Variants in HEATR4 observed in about 807,000 individuals in gnomAD.
HEATR4 encodes the protein HEAT repeat containing 4, also known as HEAT repeat-containing protein 4.
In HEATR4, 95 loss-of-function variants were observed where a neutral mutation model predicts 108.8. That is an observed-to-expected ratio of 0.87 (90% confidence interval 0.74 to 1.04). The LOEUF is 1.04. HEATR4 is among the 50% of genes least tolerant of loss of function. The probability of loss-of-function intolerance (pLI) is 0.00; values close to 1 mark genes in which losing one functional copy is unlikely to be tolerated. For synonymous variants in HEATR4, 443 were observed against 459.4 expected (o/e 0.96, Z 0.46); for missense variants, 1,152 against 1,253.8 (o/e 0.92, Z 1.23).
intron 12 of HEATR4, among the ~76,000 whole-genome samples, chr14:73,499,358 G>A (rs1886290113): frequency 6.6e-6 from 1 of 152,174 alleles, no homozygotes; most frequent in Non-Finnish European, 1.5e-5. Flanking sequence ...TCACACGCCT[G>A]TAATCCCAGC....
chr14:73,521,895 T>G (rs2140297049), intron 3 of HEATR4, among the ~76,000 whole-genome samples: 1 of 152,346 alleles, frequency 6.6e-6, no homozygotes, highest in East Asian at 1.9e-4. Flanking sequence ...TGGAGAAGGT[T>G]GAGAACCAAT....
the HEATR4 span, among the ~76,000 whole-genome samples, chr14:73,615,415 C>A: frequency 0.22 from 11,777 of 53,876 alleles, 2,075 homozygotes; most frequent in East Asian, 0.5. Flanking sequence ...AAACAAAAAA[C>A]AAAAAAAACC....
At chr14:73,574,908 G>T in the HEATR4 span, 2 of 1,612,826 alleles carry the variant, frequency 1.2e-6, no homozygotes, top group Non-Finnish European at 1.7e-6. Context: ...CCTTTCTCAG[G>T]TAAAAGGTCC....
intron 14 of HEATR4, among the ~76,000 whole-genome samples, chr14:73,497,068 G>A (rs982972579): frequency 6.6e-6 from 1 of 152,152 alleles, no homozygotes; most frequent in African/African-American, 2.4e-5. Flanking sequence ...GCTAGTTTTT[G>A]TATTTTTAGT....
the HEATR4 span, among the ~76,000 whole-genome samples, chr14:73,615,488 C>T: frequency 1.3e-5 from 2 of 148,830 alleles, no homozygotes; most frequent in Non-Finnish European, 3.0e-5. Context: ...CCCAACACTT[C>T]GGGAGGCCAA....
At chr14:73,624,436 A>T in the HEATR4 span, among the ~76,000 whole-genome samples, 120 of 151,926 alleles carry the variant, frequency 7.9e-4, no homozygotes, top group Non-Finnish European at 1.4e-3. Context: ...GCCCAAAAAA[A>T]TTTTTTTAAA....
chr14:73,485,376 T>G (rs1341061565), intron 17 of HEATR4, among the ~76,000 whole-genome samples: 5 of 151,814 alleles, frequency 3.3e-5, no homozygotes, highest in Non-Finnish European at 7.4e-5. Flanking sequence ...ACCATCTATG[T>G]GTAAATATCT....
At chr14:73,535,459 T>G (rs1888824187) in intron 1 of HEATR4, among the ~76,000 whole-genome samples, 1 of 64,142 alleles carries the variant, frequency 1.6e-5, no homozygotes, top group Non-Finnish European at 3.3e-5. Context: ...TTCTTTTCTT[T>G]TTCTTCTTTC....
chr14:73,493,966 C>T (rs542948449), intron 16 of HEATR4, among the ~76,000 whole-genome samples: 2 of 152,306 alleles, frequency 1.3e-5, no homozygotes, highest in Middle Eastern at 3.4e-3. Flanking sequence ...CCAGCTTGTT[C>T]AGTTTTAAGA....
chr14:73,564,001 TA>T, the HEATR4 span, among the ~76,000 whole-genome samples: 12 of 150,328 alleles, frequency 8.0e-5, no homozygotes, highest in African/African-American at 2.9e-4. Flanking sequence ...ACCTAGTCTC[TA>T]AAAAAATAAG....
At position 73,535,711 on chromosome 14, in the gene HEATR4, C is replaced by G. The variant is rs2140309055; in HGVS notation, c.-151-5467G>C. Among the ~76,000 whole-genome samples the G allele has an allele frequency of 1.8e-5, 2 of 112,230 alleles. 1 individual carries two copies. The allele number at this position is 112,230 out of a possible 152,430, so 73.6% of individuals were successfully genotyped here. A position where few individuals can be genotyped will look rare whatever the true frequency, so the allele number is the denominator to read the frequency against. ...AGCCAGGATGGTGTCGATCTGCTGA[C>G]CTCGTGATCCACCCGCCTCGGCCTC... On this transcript the variant is annotated intron_variant, in intron 1 of 17. Coordinates refer to ENST00000553558, the MANE Select transcript of HEATR4 (RefSeq NM_001220484.1).
chr14:73,624,129 T>C, the HEATR4 span, among the ~76,000 whole-genome samples: 1 of 151,746 alleles, frequency 6.6e-6, no homozygotes, highest in East Asian at 1.9e-4. Context: ...TCTACAAATA[T>C]ATATATTTTT....
chr14:73,525,599 G>C (rs1484417657), intron 2 of HEATR4, among the ~76,000 whole-genome samples: 1 of 152,132 alleles, frequency 6.6e-6, no homozygotes, highest in Non-Finnish European at 1.5e-5. Context: ...CGGCCAAACA[G>C]ACCCCTCCAG....
chr14:73,556,404 G>A (rs1889395890), intron 1 of HEATR4, among the ~76,000 whole-genome samples: 1 of 108,328 alleles, frequency 9.2e-6, no homozygotes, highest in Non-Finnish European at 2.0e-5. Flanking sequence ...CAGGCTGGGT[G>A]ACAAGAGTGA....
At chr14:73,551,804 C>T (rs1889327976) in intron 1 of HEATR4, among the ~76,000 whole-genome samples, 1 of 103,094 alleles carries the variant, frequency 9.7e-6, no homozygotes, top group African/African-American at 3.2e-5. Context: ...AGTAAATCTC[C>T]GTCTTAAAAA....
chr14:73,626,789 C>CTTTTT, the HEATR4 span, among the ~76,000 whole-genome samples: 6 of 82,358 alleles, frequency 7.3e-5, no homozygotes, highest in African/African-American at 1.9e-4. Flanking sequence ...GACAAACAGC[C>CTTTTT]TTTTTTTTTT....
the HEATR4 span, chr14:73,612,902 G>C: frequency 1.5e-6 from 2 of 1,371,444 alleles, no homozygotes; most frequent in South Asian, 1.4e-5. Context: ...AGTGCTGGAC[G>C]GCCACGACAC....
chr14:73,585,781 G>GAA, the HEATR4 span, among the ~76,000 whole-genome samples: 74 of 141,112 alleles, frequency 5.2e-4, no homozygotes, highest in Middle Eastern at 3.6e-3. Context: ...GGAAGGGAAT[G>GAA]AAAAAAAAAA....
At chr14:73,491,345 C>T in intron 17 of HEATR4, 3 of 1,441,502 alleles carry the variant, frequency 2.1e-6, no homozygotes, top group African/African-American at 1.5e-5. Context: ...GGAGGCCTCG[C>T]CCGCCGCGCG....
Sources: gnomAD v4.1 joint callset for allele counts (sites outside exome capture counted in the v4.1 genomes callset) on GRCh38, gnomAD v4.1.1 for gene constraint, MANE v1.5 for transcripts, NCBI Gene and HGNC (gene_info 2026-07-23, HGNC 2026-07-21) for gene names.